MARCHF1: variants seen among roughly 807,000 people sequenced by gnomAD.
MARCHF1 encodes the protein E3 ubiquitin-protein ligase MARCHF1.
Under a neutral mutation model 54.2 loss-of-function variants are expected in MARCHF1, and 40 were observed. That is an observed-to-expected ratio of 0.74 (90% CI 0.57 to 0.96). MARCHF1 has a LOEUF of 0.96. Among genes scored for constraint, MARCHF1 ranks in the 40% least tolerant of loss-of-function variants. MARCHF1 has a pLI of 0.00. For synonymous variants in MARCHF1, 236 were observed against 236.3 expected (o/e 1.00, Z 0.01); for missense variants, 586 against 656.5 (o/e 0.89, Z 1.17).
At chr4:164,037,401 T>C (rs1425632806) in intron 2 of MARCHF1, among the ~76,000 whole-genome samples, 1 of 152,138 alleles carries the variant, frequency 6.6e-6, no homozygotes, top group Non-Finnish European at 1.5e-5. Context: ...ATGAATATAT[T>C]ACAAAAATGA....
chr4:164,268,371 A>G (rs533769015), intron 1 of MARCHF1, among the ~76,000 whole-genome samples: 74 of 152,256 alleles, frequency 4.9e-4, no homozygotes, highest in Non-Finnish European at 8.1e-4. Context: ...AGAGCTGGAA[A>G]TGAGGAGTGA....
intron 4 of MARCHF1, among the ~76,000 whole-genome samples, chr4:163,722,688 C>G (rs1449752808): frequency 6.6e-6 from 1 of 152,044 alleles, no homozygotes; most frequent in Non-Finnish European, 1.5e-5. Flanking sequence ...TCTCTAAGGA[C>G]TTGCTTTATG....
chr4:164,131,197 A>G (rs1756293726), intron 1 of MARCHF1, among the ~76,000 whole-genome samples: 3 of 152,092 alleles, frequency 2.0e-5, no homozygotes, highest in Admixed American at 2.0e-4. Flanking sequence ...TCCCTGGGAG[A>G]GATGAACTCA....
intron 4 of MARCHF1, among the ~76,000 whole-genome samples, chr4:163,848,707 C>T (rs1749556014): frequency 6.6e-6 from 1 of 152,076 alleles, no homozygotes; most frequent in Non-Finnish European, 1.5e-5. Flanking sequence ...CAAGAGGAGG[C>T]CACTTCCCGC....
At chr4:163,553,169 A>C (rs916347385) in intron 8 of MARCHF1, among the ~76,000 whole-genome samples, 2 of 152,242 alleles carry the variant, frequency 1.3e-5, no homozygotes, top group African/African-American at 4.8e-5. Flanking sequence ...GGTGATTAGA[A>C]TAGAACCTAC....
At chr4:164,164,601 T>C (rs867910070) in intron 1 of MARCHF1, among the ~76,000 whole-genome samples, 19 of 152,108 alleles carry the variant, frequency 1.2e-4, no homozygotes, top group African/African-American at 4.6e-4. Context: ...TGACTGTAAT[T>C]GGTGAGTTGT....
chr4:164,181,113 C>T (rs759361049), intron 1 of MARCHF1, among the ~76,000 whole-genome samples: 2 of 152,068 alleles, frequency 1.3e-5, no homozygotes, highest in Non-Finnish European at 2.9e-5. Context: ...TGTGGGGTCC[C>T]CATTGCCTCT....
chr4:163,573,120 G>A (rs970464395), intron 8 of MARCHF1, among the ~76,000 whole-genome samples: 1 of 151,938 alleles, frequency 6.6e-6, no homozygotes, highest in Non-Finnish European at 1.5e-5. Context: ...ACACTTGCAT[G>A]TTAGAAATGT....
chr4:164,380,927 G>T (rs1731347154), intron 1 of MARCHF1, among the ~76,000 whole-genome samples: 1 of 152,210 alleles, frequency 6.6e-6, no homozygotes, highest in Non-Finnish European at 1.5e-5. Context: ...TCTTCATTGA[G>T]TTTAAGACAC....
intron 8 of MARCHF1, among the ~76,000 whole-genome samples, chr4:163,550,077 G>A (rs777999513): frequency 4.6e-4 from 70 of 152,126 alleles, no homozygotes; most frequent in Non-Finnish European, 8.7e-4. Context: ...GAGCGCAGGA[G>A]TTCGCCACCA....
intron 4 of MARCHF1, among the ~76,000 whole-genome samples, chr4:163,830,496 G>C (rs1276632569): frequency 6.6e-6 from 1 of 152,150 alleles, no homozygotes; most frequent in Admixed American, 6.6e-5. Flanking sequence ...ACAGGATGCT[G>C]AGGACCCTGC....
intron 1 of MARCHF1, among the ~76,000 whole-genome samples, chr4:164,150,464 G>T (rs1729903310): frequency 6.6e-6 from 1 of 152,124 alleles, no homozygotes; most frequent in African/African-American, 2.4e-5. Flanking sequence ...CTCTCATGGA[G>T]AACAGGTATT....
At chr4:163,766,809 TATGA>T (rs1336008597) in intron 4 of MARCHF1, among the ~76,000 whole-genome samples, 1 of 152,182 alleles carries the variant, frequency 6.6e-6, no homozygotes, top group East Asian at 1.9e-4. Context: ...CCTTTGGTAT[TATGA>T]ATGTTTCCAA....
At chr4:163,625,733 C>T (rs930424822) in intron 5 of MARCHF1, among the ~76,000 whole-genome samples, 7 of 152,296 alleles carry the variant, frequency 4.6e-5, no homozygotes, top group East Asian at 3.9e-4. Context: ...ACACATCAAA[C>T]GGAAGTTGTA....
intron 9 of MARCHF1, among the ~76,000 whole-genome samples, chr4:163,533,314 A>G (rs1738417854): frequency 6.6e-6 from 1 of 151,990 alleles, no homozygotes; most frequent in East Asian, 1.9e-4. Flanking sequence ...AACTGGAGAT[A>G]GTAGGATCAG....
chr4:164,049,774 C>A lies in MARCHF1; in HGVS notation c.-247-61065G>T, dbSNP rs572046083. 4.6e-5 allele frequency among the ~76,000 whole-genome samples: 7 copies of A among 152,322 alleles called. No individual in the cohort carries two copies. In the South Asian group the frequency reaches 1.4e-3, roughly 32 times the overall value. ...TATACTGCACACATGTATACACACA[C>A]ATTTGAGAAACCTACTGAAATTACA... On this transcript the variant is annotated intron_variant, in intron 2 of 9. Transcript: ENST00000514618.
chr4:164,223,381 T>C (rs935977956), intron 1 of MARCHF1, among the ~76,000 whole-genome samples: 2 of 151,938 alleles, frequency 1.3e-5, no homozygotes, highest in African/African-American at 4.8e-5. Flanking sequence ...ATGGTGACAA[T>C]TGTGGCTGTT....
intron 3 of MARCHF1, among the ~76,000 whole-genome samples, chr4:163,930,292 A>G (rs1180692597): frequency 6.6e-6 from 1 of 151,792 alleles, no homozygotes; most frequent in African/African-American, 2.4e-5. Flanking sequence ...GGAGGGCACC[A>G]GAGACCTAGA....
intron 9 of MARCHF1, among the ~76,000 whole-genome samples, chr4:163,543,919 A>G (rs1403312103): frequency 6.6e-6 from 1 of 152,168 alleles, no homozygotes; most frequent in African/African-American, 2.4e-5. Context: ...GAGGGTGACC[A>G]CTGGGAGAGG....
Sources: gnomAD v4.1 joint callset for allele counts (sites outside exome capture counted in the v4.1 genomes callset) on GRCh38, gnomAD v4.1.1 for gene constraint, MANE v1.5 for transcripts, NCBI Gene and HGNC (gene_info 2026-07-23, HGNC 2026-07-21) for gene names.